The following SP100 variants were observed in gnomAD, a reference collection of about 807,000 sequenced individuals.
SP100 encodes SP100 nuclear body protein.
SP100 carries 84 observed loss-of-function variants against 130.0 expected under a neutral mutation model. The ratio of observed to expected loss-of-function variants is 0.65; its 90% confidence interval spans 0.54 to 0.77. The LOEUF is 0.77. SP100 is among the 30% of genes least tolerant of loss of function. The pLI is 0.00. For synonymous variants in SP100, 331 were observed against 351.7 expected (o/e 0.94, Z 0.66); for missense variants, 978 against 1,052.2 (o/e 0.93, Z 0.97).
chr2:230,444,435 G>T, intron 4 of SP100, 89 bp downstream of exon 4: 2 of 1,028,344 alleles, frequency 1.9e-6, no homozygotes, highest in Admixed American at 4.2e-5. Context: ...GTGACATGTT[G>T]TGTTGGGCAG....
intron 5 of SP100, among the ~76,000 whole-genome samples, chr2:230,447,911 C>T (rs2063779086): frequency 6.6e-6 from 1 of 152,210 alleles, no homozygotes; most frequent in African/African-American, 2.4e-5. Context: ...TGTTCAGCTC[C>T]CCTGGCAACC....
chr2:230,492,715 A>T (rs1463804949), intron 17 of SP100, among the ~76,000 whole-genome samples: 1 of 152,106 alleles, frequency 6.6e-6, no homozygotes, highest in Non-Finnish European at 1.5e-5. Context: ...TTTTGCCAGA[A>T]TTTTTCAGTT....
intron 17 of SP100, chr2:230,493,646 T>C (rs1284103205): frequency 6.6e-6 from 1 of 152,036 alleles, no homozygotes; most frequent in Non-Finnish European, 1.5e-5. Context: ...TGTCTTCATT[T>C]CTCTGATTTT....
chr2:230,432,625 CAT>C (rs1224341516), intron 2 of SP100, among the ~76,000 whole-genome samples: 3 of 152,086 alleles, frequency 2.0e-5, no homozygotes, highest in South Asian at 2.1e-4. Context: ...CATCTTTTCA[CAT>C]GTTTTTATTT....
intron 14 of SP100, 161 bp from the exon 15 acceptor site, chr2:230,469,854 C>T: frequency 1.3e-6 from 2 of 1,508,506 alleles, no homozygotes; most frequent in Non-Finnish European, 1.8e-6. Context: ...GCAATCTTGA[C>T]CAACAGGTCA....
intron 13 of SP100, among the ~76,000 whole-genome samples, chr2:230,467,524 A>G (rs913338642): frequency 2.0e-5 from 3 of 152,222 alleles, no homozygotes; most frequent in Admixed American, 2.0e-4. Context: ...ACAGTTCCAC[A>G]TGGCTGGGGA....
chr2:230,539,692 G>C (rs1193562541), intron 25 of SP100, among the ~76,000 whole-genome samples: 2 of 150,776 alleles, frequency 1.3e-5, no homozygotes, highest in East Asian at 3.8e-4. Context: ...ATCATACACT[G>C]CCTGCTGGTT....
At chr2:230,416,363 T>C in intron 1 of SP100, 35 bp downstream of exon 1, 1 of 1,591,680 alleles carries the variant, frequency 6.3e-7, no homozygotes, top group South Asian at 1.1e-5. Context: ...AACCTTTATC[T>C]CTGGCTATAT....
intron 2 of SP100, among the ~76,000 whole-genome samples, chr2:230,424,053 G>A (rs1404088644): frequency 6.6e-6 from 1 of 152,146 alleles, no homozygotes; most frequent in Non-Finnish European, 1.5e-5. Context: ...ACACTAGGAT[G>A]ATTGGGGAAG....
At chr2:230,536,484 C>A (rs1691945623) in intron 24 of SP100, among the ~76,000 whole-genome samples, 2 of 152,046 alleles carry the variant, frequency 1.3e-5, no homozygotes, top group African/African-American at 4.8e-5. Context: ...CTCAGGAAAC[C>A]AACCGTCAGA....
At chr2:230,440,473 T>C (rs747236445) in intron 2 of SP100, 1 of 1,112,230 alleles carries the variant, frequency 9.0e-7, no homozygotes, top group Non-Finnish European at 1.2e-6. Context: ...TTTATTTCAA[T>C]AGGTTTTTGG....
At chr2:230,513,322 T>A (rs1690727877) in intron 24 of SP100, among the ~76,000 whole-genome samples, 1 of 152,114 alleles carries the variant, frequency 6.6e-6, no homozygotes, top group African/African-American at 2.4e-5. Context: ...CAGAAATAAA[T>A]CAGTGTCCTT....
intron 17 of SP100, among the ~76,000 whole-genome samples, chr2:230,485,555 G>A (rs1353981755): frequency 6.6e-6 from 1 of 152,124 alleles, no homozygotes; most frequent in Non-Finnish European, 1.5e-5. Flanking sequence ...TCTATTAATA[G>A]TGTGTTTCTA....
chr2:230,535,619 T>C (rs1375760579), intron 24 of SP100, among the ~76,000 whole-genome samples: 2 of 152,096 alleles, frequency 1.3e-5, no homozygotes, highest in Non-Finnish European at 2.9e-5. Context: ...AATAAGAATC[T>C]GTTTTCTGCT....
At chr2:230,494,087 G>T (rs907044028) in intron 17 of SP100, among the ~76,000 whole-genome samples, 1 of 151,968 alleles carries the variant, frequency 6.6e-6, no homozygotes, top group Admixed American at 6.6e-5. Context: ...ACCTACTGTT[G>T]CTTGACCCTC....
chr2:230,498,230 G>A (rs1393019925), intron 18 of SP100, among the ~76,000 whole-genome samples: 1 of 152,090 alleles, frequency 6.6e-6, no homozygotes, highest in Non-Finnish European at 1.5e-5. Flanking sequence ...TAAAATTAAT[G>A]TTGGGGGGAG....
At chr2:230,423,783 T>G (rs1303345761) in intron 2 of SP100, among the ~76,000 whole-genome samples, 1 of 152,180 alleles carries the variant, frequency 6.6e-6, no homozygotes, top group Non-Finnish European at 1.5e-5. Context: ...TGTTTGGGAG[T>G]AGCTTTTAAA....
In SP100 at chr2:230,539,390, A is replaced by G. The variant is rs948975129; in HGVS notation, c.2210+8A>G. ...ATCCGTGGAAGCTAACAAGTGAGTA[A>G]GACATGTCCCCTTCCCTGAGCCCTT... On this transcript the variant is annotated splice_region_variant and intron_variant, in intron 25 of 28. Transcript: ENST00000340126. 6.3e-7 allele frequency: 1 copy of G among 1,589,152 alleles called. No homozygotes were observed. The highest frequency in any genetic ancestry group is 8.6e-7 in the Non-Finnish European group (1 of 1,157,502).
intron 24 of SP100, among the ~76,000 whole-genome samples, chr2:230,528,653 A>G (rs1258571653): frequency 6.6e-6 from 1 of 152,204 alleles, no homozygotes; most frequent in Non-Finnish European, 1.5e-5. Flanking sequence ...GTTTTTTGAA[A>G]AGACCAACAA....
Sources: allele counts gnomAD v4.1 joint callset (sites outside exome capture counted in the v4.1 genomes callset), GRCh38; gene constraint gnomAD v4.1.1; transcripts MANE v1.5; gene names NCBI Gene and HGNC (gene_info 2026-07-23, HGNC 2026-07-21).